Variants in MFSD6 observed in about 807,000 individuals in gnomAD.
The protein encoded by MFSD6 is major facilitator superfamily domain-containing protein 6.
MFSD6 carries 26 observed loss-of-function variants against 56.3 expected under a neutral mutation model. That is an observed-to-expected ratio of 0.46 (90% confidence interval 0.34 to 0.64). MFSD6 has a LOEUF of 0.64. Ranked by LOEUF, MFSD6 falls within the 30% of genes least tolerant of loss-of-function variation. The pLI is 0.01. For synonymous variants in MFSD6, 331 were observed against 366.9 expected (o/e 0.90, Z 1.12); for missense variants, 750 against 986.2 (o/e 0.76, Z 3.21).
chr2:190,474,096 G>A (rs907746519), intron 4 of MFSD6, among the ~76,000 whole-genome samples: 1 of 152,012 alleles, frequency 6.6e-6, no homozygotes, highest in Non-Finnish European at 1.5e-5. Context: ...AGCACTAAAT[G>A]CCCACAAGAG....
Position 190,490,445 on chromosome 2 carries a change from C to A in MFSD6, c.1891+579C>A, listed in dbSNP as rs754913556. 2.6e-5 allele frequency among the ~76,000 whole-genome samples: 4 copies of A among 151,784 alleles called. No individual in the cohort carries two copies. The highest frequency in any genetic ancestry group is 5.9e-5 in the Non-Finnish European group (4 of 67,942). On this transcript the variant is annotated intron_variant, in intron 6 of 7. Coordinates refer to ENST00000392328, the MANE Select transcript of MFSD6 (RefSeq NM_017694.4). This position sits in a 1 kb window ranked among gnomAD's most constrained non-coding sequence, Gnocchi z 4.5. ...GGGCACGGTGGTGGGCGCCTGTAATCCCAGCTACTCAGGAGGCTGAGGCAG... is the reference window on the plus strand; with the variant it reads ...GGGCACGGTGGTGGGCGCCTGTAATACCAGCTACTCAGGAGGCTGAGGCAG...
At chr2:190,432,207 C>T (rs1686027528) in intron 2 of MFSD6, among the ~76,000 whole-genome samples, 1 of 152,132 alleles carries the variant, frequency 6.6e-6, no homozygotes, top group Non-Finnish European at 1.5e-5. Flanking sequence ...TTAGGCTAAC[C>T]AGATTTTCTA....
chr2:190,443,288 T>C lies in MFSD6; in HGVS notation c.1532+5727T>C, dbSNP rs961345863. On this transcript the variant is annotated intron_variant, in intron 3 of 7. Coordinates refer to ENST00000392328, the MANE Select transcript of MFSD6 (RefSeq NM_017694.4). The surrounding 1 kb of genome is among the most constrained non-coding windows in gnomAD (Gnocchi z 4.2). ...CTCTGCAACTTGGAACTATATGGCC[T>C]TGGACAAGTTACAGAACTTTTTGCA... Among the ~76,000 whole-genome samples the C allele has an allele frequency of 3.9e-5, 6 of 152,224 alleles. No individual in the cohort carries two copies. Among genetic ancestry groups the C allele is most frequent in the Non-Finnish European group, 8.8e-5 (6 of 68,036 alleles).
Position 190,488,760 on chromosome 2 carries a change from C to T in MFSD6, c.1734C>T (p.His578=), listed in dbSNP as rs763624484. 1 of 1,609,948 alleles carries T rather than the reference C, an allele frequency of 6.2e-7. No homozygotes were observed. The highest frequency in any genetic ancestry group is 8.5e-7 in the Non-Finnish European group (1 of 1,178,244). ...CTCAGGGCATCCTGCAGGGCCTTCA[C>T]CTGGGTTTGGGAAGAGGATGTGGTG... ...TSAQGILQGL[H]LGLGRGCGAM... is the part of the protein sequence containing the mutation. Residue 578 remains histidine, a synonymous_variant, in exon 5 of 8, where the codon CAC becomes CAT. Transcript: ENST00000392328. The surrounding 1 kb of genome is among the most constrained non-coding windows in gnomAD (Gnocchi z 6.4).
chr2:190,408,694 GCTCCCTCC>G (rs138138355), intron 1 of MFSD6, among the ~76,000 whole-genome samples, 191 bp downstream of exon 1: 33,715 of 151,512 alleles, frequency 0.22, 4,790 homozygotes, highest in South Asian at 0.33. Context: ...CTCGCCCGCC[GCTCCCTCC>G]CTCCCTCCCT....
At position 190,467,914 on chromosome 2, in the gene MFSD6, A is replaced by G. The variant is rs181565079; in HGVS notation, c.1533-1844A>G. Among the ~76,000 whole-genome samples the G allele has an allele frequency of 1.8e-3, 278 of 152,346 alleles. 1 individual carries two copies. Among genetic ancestry groups the G allele is most frequent in the African/African-American group, 6.4e-3 (268 of 41,582 alleles). On this transcript the variant is annotated intron_variant, in intron 3 of 7. Transcript: ENST00000392328. The surrounding 1 kb of genome is among the most constrained non-coding windows in gnomAD (Gnocchi z 5.5). ...ACAGCAGCAGAGCTGAGGAGCTGCA[A>G]CAGAGACCATGTAGCTCGTGAAGCC...
chr2:190,471,906 A>T lies in MFSD6; in HGVS notation c.1630+2051A>T, dbSNP rs1004605004. On this transcript the variant is annotated intron_variant, in intron 4 of 7. Coordinates refer to ENST00000392328, the MANE Select transcript of MFSD6 (RefSeq NM_017694.4). The surrounding 1 kb of genome is among the most constrained non-coding windows in gnomAD (Gnocchi z 4.7). The stretch of plus-strand genomic sequence containing the variant: ...CTGAGACAAAACTTCCAGAGGAACG[A>T]TCAGGCAGCAATATTTGCTGTTCAC... Among the ~76,000 whole-genome samples the T allele has an allele frequency of 3.9e-5, 6 of 152,216 alleles. No individual in the cohort carries two copies.
At chr2:190,475,701 GA>G (rs1317567667) in intron 4 of MFSD6, among the ~76,000 whole-genome samples, 1 of 152,062 alleles carries the variant, frequency 6.6e-6, no homozygotes, top group East Asian at 1.9e-4. Context: ...CACAGAATTG[GA>G]AAAAACTACT....
chr2:190,407,773 CG>C (rs1319407354), upstream of MFSD6, among the ~76,000 whole-genome samples: 1 of 152,190 alleles, frequency 6.6e-6, no homozygotes, highest in Non-Finnish European at 1.5e-5. This position sits in a 1 kb window ranked among gnomAD's most constrained non-coding sequence, Gnocchi z 5.4. Flanking sequence ...ACTCACAGAT[CG>C]TTTGTCTCCC....
At position 190,479,394 on chromosome 2, in the gene MFSD6, A is replaced by G. The variant is rs551688902; in HGVS notation, c.1631-9263A>G. On this transcript the variant is annotated intron_variant, in intron 4 of 7. Transcript: ENST00000392328. ...AATCTGCAGTGTATTTAAAAAAGAG[A>G]CAGGGAGTCTACGTGCCTAAAAGCA... Among the ~76,000 whole-genome samples, 4 of 152,318 alleles carry G rather than the reference A, an allele frequency of 2.6e-5. No individual in the cohort carries two copies. In the South Asian group the frequency reaches 8.3e-4, roughly 32 times the overall value.
rs111452663 is a variant in MFSD6, at chr2:190,492,414, A to G, written c.1891+2548A>G. 5.9e-5 allele frequency among the ~76,000 whole-genome samples: 9 copies of G among 152,356 alleles called. No individual in the cohort carries two copies. Among genetic ancestry groups the G allele is most frequent in the Non-Finnish European group, 8.8e-5 (6 of 68,032 alleles). ...GTGAGGCAAAAGCACCAGATAACCT[A>G]TAAAGGAAAACCTCTCAGATTAACA... On this transcript the variant is annotated intron_variant, in intron 6 of 7. Transcript: ENST00000392328. This position sits in a 1 kb window ranked among gnomAD's most constrained non-coding sequence, Gnocchi z 5.2.
rs1553518916 is a variant in MFSD6 at position 190,445,468 on chromosome 2, A to AAAC, written c.1532+7907_1532+7908insAAC. ...AAAAGCCCCAATCACAAAAAAAAAA[A>AAAC]CCCCGACTATACCCTGTTTAAAGAA... is the stretch of plus-strand genomic sequence containing the variant. On this transcript the variant is annotated intron_variant, in intron 3 of 7. Transcript: ENST00000392328. 7.9e-3 allele frequency among the ~76,000 whole-genome samples: 1,156 copies of AAAC among 146,410 alleles called. 17 individuals carry two copies. The highest frequency in any genetic ancestry group is 0.027 in the African/African-American group (1,070 of 40,148).
In MFSD6 at chr2:190,434,276, A is replaced by C. The variant is rs1271189054; in HGVS notation, c.-53-1701A>C. Among the ~76,000 whole-genome samples, 1 of 152,190 alleles carries C rather than the reference A, an allele frequency of 6.6e-6. No homozygotes were observed. Among genetic ancestry groups the C allele is most frequent in the East Asian group, 1.9e-4 (1 of 5,204 alleles). On this transcript the variant is annotated intron_variant, in intron 2 of 7. Transcript: ENST00000392328. The surrounding 1 kb of genome is among the most constrained non-coding windows in gnomAD (Gnocchi z 4.3). ...CTACCATCAGAATCTGTTCATTGGA[A>C]CAACATAATTCTTGATGCACACAAG...
chr2:190,463,884 G>A lies in MFSD6; in HGVS notation c.1533-5874G>A, dbSNP rs1001395357. 2.2e-5 allele frequency: 22 copies of A among 984,236 alleles called. No individual in the cohort carries two copies. In the Admixed American group the frequency reaches 4.9e-4, roughly 22 times the overall value. 61.0% of individuals were successfully genotyped at this position (984,236 alleles called of 1,614,324 possible). A position where few individuals can be genotyped will look rare whatever the true frequency, so the allele number is the denominator to read the frequency against. ...GAATGATGGAGCCCAATCTAAGGGC[G>A]CACCATATACTGTCTACCATACAGA... On this transcript the variant is annotated intron_variant, in intron 3 of 7. Transcript: ENST00000392328. This position sits in a 1 kb window ranked among gnomAD's most constrained non-coding sequence, Gnocchi z 4.4.
Position 190,492,716 on chromosome 2 carries a change from G to T in MFSD6, c.1891+2850G>T, listed in dbSNP as rs1229321941. ...GTGAAACTAAGCTTCATAAATAAAG[G>T]AAAGATACAGTCTTTTTCAGACAAA... is the stretch of plus-strand genomic sequence containing the variant. On this transcript the variant is annotated intron_variant, in intron 6 of 7. Transcript: ENST00000392328. The surrounding 1 kb of genome is among the most constrained non-coding windows in gnomAD (Gnocchi z 5.2). Among the ~76,000 whole-genome samples the T allele has an allele frequency of 2.0e-5, 3 of 151,976 alleles. No individual in the cohort carries two copies. Among genetic ancestry groups the T allele is most frequent in the African/African-American group, 7.3e-5 (3 of 41,360 alleles).
At chr2:190,493,517 C>T (rs555141133) in intron 6 of MFSD6, among the ~76,000 whole-genome samples, 3 of 152,250 alleles carry the variant, frequency 2.0e-5, no homozygotes, top group Admixed American at 2.0e-4. Flanking sequence ...AAACTATACC[C>T]TGGAACAAAT....
intron 2 of MFSD6, among the ~76,000 whole-genome samples, chr2:190,427,963 C>T (rs542338604): frequency 6.6e-6 from 1 of 152,324 alleles, no homozygotes; most frequent in East Asian, 1.9e-4. Context: ...AACTCCTGAC[C>T]TCAGGTGATC....
In MFSD6 at chr2:190,488,930, C is replaced by A; in HGVS notation, c.1792+112C>A. On this transcript the variant is annotated intron_variant, in intron 5 of 7. Coordinates refer to ENST00000392328, the MANE Select transcript of MFSD6 (RefSeq NM_017694.4). This position sits in a 1 kb window ranked among gnomAD's most constrained non-coding sequence, Gnocchi z 6.4. The stretch of plus-strand genomic sequence containing the variant: ...ACTGAAGATTGCCCAAAGCTAAATT[C>A]CAGTATTCATAATCTCTTTCTAGAT... 9.5e-7 allele frequency: 1 copy of A among 1,051,016 alleles called. No individual in the cohort carries two copies. Among genetic ancestry groups the A allele is most frequent in the African/African-American group, 1.6e-5 (1 of 60,976 alleles). The allele number at this position is 1,051,016 out of a possible 1,614,324, so 65.1% of individuals were successfully genotyped here.
At chr2:190,432,840 A>T (rs182469841) in intron 2 of MFSD6, among the ~76,000 whole-genome samples, 1,963 of 136,976 alleles carry the variant, frequency 0.014, 26 homozygotes, top group Non-Finnish European at 0.022. Flanking sequence ...ACACACACAC[A>T]CTCTCTCTCT....
Sources: gnomAD v4.1 joint callset for allele counts (sites outside exome capture counted in the v4.1 genomes callset) on GRCh38, gnomAD v4.1.1 for gene constraint, Gnocchi (gnomAD v3.1) non-coding constraint, MANE v1.5 for transcripts, NCBI Gene and HGNC (gene_info 2026-07-23, HGNC 2026-07-21) for gene names.